The following KIR2DL3 variants were observed in gnomAD, a reference collection of about 807,000 sequenced individuals.
KIR2DL3 encodes killer cell immunoglobulin-like receptor 2DL3.
In KIR2DL3, 39 loss-of-function variants were observed where a neutral mutation model predicts 33.8. That is an observed-to-expected ratio of 1.15 (90% CI 0.89 to 1.51). KIR2DL3 has a LOEUF of 1.51. Among genes scored for constraint, KIR2DL3 ranks in the 40% most tolerant of loss-of-function variants. The pLI is 0.00. For synonymous variants in KIR2DL3, 174 were observed against 160.2 expected (o/e 1.09, Z -0.65); for missense variants, 462 against 426.2 (o/e 1.08, Z -0.74).
rs778499058 is a variant in KIR2DL3, at chr19:54,741,967, C to T, written c.71-13C>T. 14 of 1,594,054 alleles carry T rather than the reference C, an allele frequency of 8.8e-6. No individual in the cohort carries two copies. Among genetic ancestry groups the T allele is most frequent in the South Asian group, 2.2e-5 (2 of 90,058 alleles). ...AGAGAGACACCTTCTAAACTCACAACCTCTCTTCCTAGGAGTCCACAGAAA... is the reference window on the plus strand; with the variant it reads ...AGAGAGACACCTTCTAAACTCACAATCTCTCTTCCTAGGAGTCCACAGAAA... On this transcript the variant is annotated splice_polypyrimidine_tract_variant and intron_variant, in intron 2 of 7. Transcript: ENST00000342376.
At chr19:54,746,837 G>A (rs2072573658) in intron 4 of KIR2DL3, among the ~76,000 whole-genome samples, 1 of 147,302 alleles carries the variant, frequency 6.8e-6, no homozygotes, top group African/African-American at 2.5e-5. Flanking sequence ...ATAAAAATTA[G>A]CTGAGCATGG....
At chr19:54,740,999 T>C (rs2070970044) in intron 2 of KIR2DL3, among the ~76,000 whole-genome samples, 1 of 151,584 alleles carries the variant, frequency 6.6e-6, no homozygotes. Context: ...CTCCAGAGTC[T>C]CCAGAGGGAA....
At position 54,752,839 on chromosome 19, in the gene KIR2DL3, G is replaced by A. The variant is rs1476556204; in HGVS notation, c.*320G>A. On this transcript the variant is annotated 3_prime_UTR_variant, in exon 8 of 8. Coordinates refer to ENST00000342376, the MANE Select transcript of KIR2DL3 (RefSeq NM_015868.3). ...AACTGGCTTACTTCCTAGTCTACTT[G>A]AGGCTGCAATCACACTGAGGAACTC... is the stretch of plus-strand genomic sequence containing the variant. 1 of 479,114 alleles carries A rather than the reference G, an allele frequency of 2.1e-6. No homozygotes were observed. Among genetic ancestry groups the A allele is most frequent in the African/African-American group, 2.0e-5 (1 of 49,388 alleles). 29.7% of individuals were successfully genotyped at this position (479,114 alleles called of 1,614,324 possible).
chr19:54,743,916 G>T lies in KIR2DL3; in HGVS notation c.492G>T (p.Gly164=). 6.2e-7 allele frequency: 1 copy of T among 1,614,136 alleles called. No individual in the cohort carries two copies. Among genetic ancestry groups the T allele is most frequent in the African/African-American group, 1.3e-5 (1 of 75,004 alleles). The change falls in exon 4 of 8, where the codon GGG becomes GGT. Residue 164 remains glycine, a synonymous_variant. Transcript: ENST00000342376. The stretch of plus-strand genomic sequence containing the variant: ...ACATGTACCATCTATCCAGGGAGGG[G>T]GAGGCCCATGAACGTAGGTTCTCTG... ...SYDMYHLSRE[G]EAHERRFSAG... is the part of the protein sequence containing the mutation.
intron 4 of KIR2DL3, among the ~76,000 whole-genome samples, chr19:54,744,955 T>TATATATATATATA (rs1491544172): frequency 4.8e-4 from 9 of 18,662 alleles, no homozygotes; most frequent in South Asian, 2.2e-3. Context: ...TATATATATA[T>TATATATATATATA]TTTTTTTTTT....
At chr19:54,745,258 C>T (rs1181976408) in intron 4 of KIR2DL3, among the ~76,000 whole-genome samples, 2 of 152,220 alleles carry the variant, frequency 1.3e-5, no homozygotes, top group East Asian at 3.9e-4. Context: ...ACCAATCATA[C>T]GAGTGCAGAT....
At position 54,739,506 on chromosome 19, in the gene KIR2DL3, G is replaced by A. The variant is rs145520485; in HGVS notation, c.35-1G>A. On this transcript the variant is annotated splice_acceptor_variant, in intron 1 of 7. Transcript: ENST00000342376. LOFTEE classifies it high-confidence loss of function. ...TGGTCCATCATGATCTTTCTTTCCAGGGTTCTTCTTGCTGCAGGGGGCCTG... is the reference window on the plus strand; with the variant it reads ...TGGTCCATCATGATCTTTCTTTCCAAGGTTCTTCTTGCTGCAGGGGGCCTG... 179 of 1,613,860 alleles carry A rather than the reference G, an allele frequency of 1.1e-4. No homozygotes were observed. Among genetic ancestry groups the A allele is most frequent in the South Asian group, 5.1e-4 (46 of 91,080 alleles).
chr19:54,747,242 C>G (rs1486500985), intron 4 of KIR2DL3, 93 bp from the exon 5 acceptor site: 5 of 1,499,342 alleles, frequency 3.3e-6, no homozygotes, highest in East Asian at 2.3e-5. Context: ...TATTAGATAA[C>G]AGAGTGTTGG....
intron 2 of KIR2DL3, among the ~76,000 whole-genome samples, chr19:54,740,649 A>G (rs1174101480): frequency 1.3e-5 from 2 of 151,738 alleles, no homozygotes; most frequent in Non-Finnish European, 2.9e-5. Flanking sequence ...GCAGGCCCTG[A>G]CTGTATTTGT....
chr19:54,752,018 C>T (rs561179708), intron 6 of KIR2DL3, among the ~76,000 whole-genome samples, 198 bp from the exon 7 acceptor site: 44 of 129,106 alleles, frequency 3.4e-4, no homozygotes, highest in African/African-American at 5.2e-4. Flanking sequence ...AAGTGGGAGA[C>T]AGAATCAATG....
At position 54,751,222 on chromosome 19, in the gene KIR2DL3, G is replaced by A. The variant is rs1466215515; in HGVS notation, c.716-427G>A. ...CCACAGAGATCACACGGCAAGAGAG[G>A]GAGCAAGGGGGAGGGGGAGCGATGG... On this transcript the variant is annotated intron_variant, in intron 5 of 7. Transcript: ENST00000342376. Among the ~76,000 whole-genome samples, 205 of 119,522 alleles carry A rather than the reference G, an allele frequency of 1.7e-3. 1 individual carries two copies. The highest frequency in any genetic ancestry group is 5.6e-3 in the South Asian group (17 of 3,058). 78.4% of individuals were successfully genotyped at this position (119,522 alleles called of 152,430 possible).
chr19:54,741,532 C>A (rs1188650405), intron 2 of KIR2DL3, among the ~76,000 whole-genome samples: 2 of 152,068 alleles, frequency 1.3e-5, no homozygotes, highest in South Asian at 4.1e-4. Context: ...GCAAGAGTGG[C>A]TCCCAGTCCC....
chr19:54,746,587 G>T (rs1396533625), intron 4 of KIR2DL3, among the ~76,000 whole-genome samples: 6 of 148,174 alleles, frequency 4.0e-5, no homozygotes, highest in African/African-American at 9.9e-5. Context: ...ACAGGTAGAG[G>T]TGCAGTTTCA....
intron 4 of KIR2DL3, 21 bp from the exon 5 acceptor site, chr19:54,747,314 C>G (rs1352357957): frequency 4.3e-6 from 7 of 1,610,196 alleles, no homozygotes; most frequent in African/African-American, 1.3e-5. Flanking sequence ...TTCCTCACCT[C>G]TCTCCTGTCT....
rs1182732190 is a variant in KIR2DL3, at chr19:54,738,555, A to C, written c.10A>C (p.Met4Leu). MSL[M>L]VVSMVCVGFF... is the part of the protein sequence containing the mutation. ...CTGCACAGACAGCACCATGTCGCTC[A>C]TGGTCGTCAGCATGGTGTGTGTTGG... The change falls in exon 1 of 8, where the codon ATG (methionine) becomes CTG (leucine). Residue 4 changes from methionine (M) to leucine (L), a missense_variant. By Grantham distance (15) the Met-to-Leu change is conservative (BLOSUM62 2). Coordinates refer to ENST00000342376, the MANE Select transcript of KIR2DL3 (RefSeq NM_015868.3). The C allele has an allele frequency of 7.4e-5, 120 of 1,614,074 alleles. No individual in the cohort carries two copies. Among genetic ancestry groups the C allele is most frequent in the Non-Finnish European group, 9.8e-5 (116 of 1,180,032 alleles).
Position 54,743,846 on chromosome 19 carries a change from C to G in KIR2DL3, c.422C>G (p.Ala141Gly). ...GCCCAGCCGGGCCCCACGGTTCTGGCAGGAGAGAGCGTGACCTTGTCCTGC... is the reference window on the plus strand; with the variant it reads ...GCCCAGCCGGGCCCCACGGTTCTGGGAGGAGAGAGCGTGACCTTGTCCTGC... ...LSAQPGPTVL[A>G]GESVTLSCSS... The change falls in exon 4 of 8, where the codon GCA (alanine) becomes GGA (glycine). Residue 141 changes from alanine (A) to glycine (G), a missense_variant. Ala to Gly is a moderately conservative substitution (Grantham distance 60, BLOSUM62 0). Coordinates refer to ENST00000342376, the MANE Select transcript of KIR2DL3 (RefSeq NM_015868.3). The G allele has an allele frequency of 1.2e-6, 2 of 1,613,396 alleles. No individual in the cohort carries two copies. The highest frequency in any genetic ancestry group is 1.7e-6 in the Non-Finnish European group (2 of 1,179,612).
intron 4 of KIR2DL3, among the ~76,000 whole-genome samples, chr19:54,744,511 A>T (rs1337057990): frequency 3.3e-5 from 5 of 151,746 alleles, no homozygotes; most frequent in Non-Finnish European, 7.4e-5. Context: ...ATATACCTAT[A>T]TAGCTTACCA....
At chr19:54,741,171 G>C (rs1340063317) in intron 2 of KIR2DL3, among the ~76,000 whole-genome samples, 1 of 151,400 alleles carries the variant, frequency 6.6e-6, no homozygotes, top group Non-Finnish European at 1.5e-5. Context: ...TCAAGGACAA[G>C]TTAAGAAACA....
intron 5 of KIR2DL3, among the ~76,000 whole-genome samples, chr19:54,751,086 TCA>T (rs1486317577): frequency 7.5e-6 from 1 of 132,550 alleles, no homozygotes; most frequent in African/African-American, 2.9e-5. Context: ...TTGGTTTGCC[TCA>T]CAGTTCTGCA....
Sources: allele counts gnomAD v4.1 joint callset (sites outside exome capture counted in the v4.1 genomes callset), GRCh38; gene constraint gnomAD v4.1.1; transcripts MANE v1.5; gene names NCBI Gene and HGNC (gene_info 2026-07-23, HGNC 2026-07-21).